UBE2G1: variants seen among roughly 807,000 people sequenced by gnomAD.
UBE2G1 encodes the protein ubiquitin-conjugating enzyme E2 G1.
A neutral mutation model predicts 22.7 loss-of-function variants in UBE2G1; 5 were observed. The ratio of observed to expected loss-of-function variants is 0.22; its 90% CI spans 0.12 to 0.46. The LOEUF (loss-of-function observed/expected upper bound fraction) is 0.46. UBE2G1 is among the 20% of genes least tolerant of loss of function. The pLI is 0.99. For synonymous variants in UBE2G1, 74 were observed against 67.5 expected (o/e 1.10, Z -0.47); for missense variants, 88 against 203.9 (o/e 0.43, Z 3.46).
In UBE2G1 at chr17:4,364,134, C is replaced by A. The variant is rs1472174168; in HGVS notation, c.46+2137G>T. On this transcript the variant is annotated intron_variant, in intron 1 of 5. Coordinates refer to ENST00000396981, the MANE Select transcript of UBE2G1 (RefSeq NM_003342.5). ...AAAAAATTAGCCAAGCTTGGTGCCG[C>A]GCGCCTGTAATCCCAGCTACTCGGG... 4 of 141,286 alleles carry A rather than the reference C, an allele frequency of 2.8e-5. No homozygotes were observed. The Admixed American group carries it at 2.9e-4, about 10-fold the overall frequency. 8.8% of individuals were successfully genotyped at this position (141,286 alleles called of 1,614,324 possible).
chr17:4,337,405 C>T (rs537145378), intron 1 of UBE2G1, among the ~76,000 whole-genome samples: 2 of 151,264 alleles, frequency 1.3e-5, no homozygotes, highest in East Asian at 3.9e-4. Context: ...GTAATCCCAG[C>T]ACTTTGGGAG....
rs1969006712 is a variant in UBE2G1, at chr17:4,289,235, C to A, written c.421G>T (p.Ala141Ser). ...AAGACGTGTGACCACCTTACCGCAG[C>A]ATCAACATTAGCAGGTGAGTCTCCA... ...PNGDSPANVDAAKEWREDRNG... is the reference protein window; with the variant it reads ...PNGDSPANVDSAKEWREDRNG... The change falls in exon 4 of 6, where the codon GCT becomes TCT. Residue 141 changes from alanine to serine, a missense_variant. This residue lies in a region of UBE2G1 where 38 missense variants were observed against 132.9 expected (regional missense o/e 0.29). Coordinates refer to ENST00000396981, the MANE Select transcript of UBE2G1 (RefSeq NM_003342.5). 3 of 1,550,582 alleles carry A rather than the reference C, an allele frequency of 1.9e-6. No homozygotes were observed. Among genetic ancestry groups the A allele is most frequent in the Non-Finnish European group, 2.6e-6 (3 of 1,147,984 alleles).
At chr17:4,281,836 G>GA (rs1968895992) in intron 5 of UBE2G1, among the ~76,000 whole-genome samples, 1 of 152,106 alleles carries the variant, frequency 6.6e-6, no homozygotes, top group African/African-American at 2.4e-5. Context: ...TCCCTGAAAG[G>GA]ATAGTCTTCA....
chr17:4,300,958 G>T (rs1969171246), intron 2 of UBE2G1, among the ~76,000 whole-genome samples: 2 of 151,570 alleles, frequency 1.3e-5, no homozygotes, highest in African/African-American at 4.9e-5. Context: ...GAGAGAGAGA[G>T]ATATGTAACC....
chr17:4,303,651 T>C (rs1969215580), intron 2 of UBE2G1, among the ~76,000 whole-genome samples: 1 of 152,210 alleles, frequency 6.6e-6, no homozygotes, highest in South Asian at 2.1e-4. Flanking sequence ...ACTAGGTTCA[T>C]TCCCTCCAGA....
At chr17:4,341,432 A>T (rs1262214116) in intron 1 of UBE2G1, among the ~76,000 whole-genome samples, 6 of 152,104 alleles carry the variant, frequency 3.9e-5, no homozygotes, top group Admixed American at 3.9e-4. Context: ...ACTGGCCAGT[A>T]ATTAGATCTG....
chr17:4,315,771 C>CAAACAAAA (rs1362275932), intron 1 of UBE2G1, among the ~76,000 whole-genome samples: 1 of 137,836 alleles, frequency 7.3e-6, no homozygotes, highest in Admixed American at 8.0e-5. Context: ...CAAAAACAAA[C>CAAACAAAA]AAACAAAAAA....
chr17:4,361,269 G>C (rs543647911), intron 1 of UBE2G1, among the ~76,000 whole-genome samples: 17 of 149,048 alleles, frequency 1.1e-4, no homozygotes, highest in African/African-American at 4.2e-4. Context: ...GCTCACGCCA[G>C]TAATCCCAGC....
chr17:4,299,765 C>CCCT (rs1004008269), intron 2 of UBE2G1, among the ~76,000 whole-genome samples: 1 of 151,890 alleles, frequency 6.6e-6, no homozygotes, highest in African/African-American at 2.4e-5. Flanking sequence ...ATCTGTGGAC[C>CCCT]CCTCTTCTTC....
At chr17:4,285,075 C>T (rs1477204295) in intron 4 of UBE2G1, among the ~76,000 whole-genome samples, 1 of 152,048 alleles carries the variant, frequency 6.6e-6, no homozygotes, top group Non-Finnish European at 1.5e-5. Flanking sequence ...AACTCCTAGC[C>T]TTAAGTAACT....
intron 4 of UBE2G1, among the ~76,000 whole-genome samples, chr17:4,285,509 A>G (rs1968951756): frequency 6.6e-6 from 1 of 152,214 alleles, no homozygotes; most frequent in Non-Finnish European, 1.5e-5. Flanking sequence ...CACATACCCT[A>G]AAACATTACT....
At chr17:4,341,012 T>G (rs2143797411) in intron 1 of UBE2G1, among the ~76,000 whole-genome samples, 2 of 149,710 alleles carry the variant, frequency 1.3e-5, no homozygotes, top group Middle Eastern at 6.9e-3. Context: ...TAAGTTGATA[T>G]TCTGTGTGAG....
rs775013538 is a variant in UBE2G1 at position 4,296,814 on chromosome 17, A to G, written c.150T>C (p.Tyr50=). 6.2e-7 allele frequency: 1 copy of G among 1,612,888 alleles called. No homozygotes were observed. Among genetic ancestry groups the G allele is most frequent in the Admixed American group, 1.7e-5 (1 of 59,904 alleles). ...VLIIGPPDTL[Y]EGGVFKAHLT... ...GATGAGCCTTAAAAACACCACCTTCACTGGAAAAAAGAACAAAAAGAAGTT... is the reference window on the plus strand; with the variant it reads ...GATGAGCCTTAAAAACACCACCTTCGCTGGAAAAAAGAACAAAAAGAAGTT... The change falls in exon 3 of 6, where the codon TAT becomes TAC. Residue 50 remains tyrosine, a splice_region_variant and synonymous_variant. Coordinates refer to ENST00000396981, the MANE Select transcript of UBE2G1 (RefSeq NM_003342.5).
chr17:4,365,042 A>G (rs1392169937), intron 1 of UBE2G1, among the ~76,000 whole-genome samples: 1 of 152,238 alleles, frequency 6.6e-6, no homozygotes, highest in Admixed American at 6.5e-5. Context: ...ACAATCTGTA[A>G]GAACCCCTGA....
At chr17:4,356,710 TAAC>T (rs1969910160) in intron 1 of UBE2G1, among the ~76,000 whole-genome samples, 1 of 152,100 alleles carries the variant, frequency 6.6e-6, no homozygotes, top group South Asian at 2.1e-4. Flanking sequence ...TCAAAAATAA[TAAC>T]AAAAAAATAA....
At chr17:4,361,102 A>G (rs1471414255) in intron 1 of UBE2G1, among the ~76,000 whole-genome samples, 1 of 151,950 alleles carries the variant, frequency 6.6e-6, no homozygotes, top group Non-Finnish European at 1.5e-5. Flanking sequence ...GGACACCTGT[A>G]ATCTCAGCTA....
rs1318899048 is a variant in UBE2G1 at position 4,271,438 on chromosome 17, A to G, written c.*1116T>C. Reference sequence around the variant, plus strand: ...AAGCCAACAACTTGACAATTATTGAAAAAAAATTATATTTTGGAAGAACTC... The same window carrying G: ...AAGCCAACAACTTGACAATTATTGAGAAAAAATTATATTTTGGAAGAACTC... On this transcript the variant is annotated 3_prime_UTR_variant, in exon 6 of 6. Coordinates refer to ENST00000396981, the MANE Select transcript of UBE2G1 (RefSeq NM_003342.5). The G allele has an allele frequency of 6.6e-6, 1 of 152,644 alleles. No homozygotes were observed. The highest frequency in any genetic ancestry group is 1.5e-5 in the Non-Finnish European group (1 of 68,044). 9.5% of individuals were successfully genotyped at this position (152,644 alleles called of 1,614,324 possible). A position where few individuals can be genotyped will look rare whatever the true frequency, so the allele number is the denominator to read the frequency against.
At chr17:4,306,891 C>T (rs1320693086) in intron 2 of UBE2G1, 130 bp downstream of exon 2, 8 of 650,934 alleles carry the variant, frequency 1.2e-5, no homozygotes, top group Admixed American at 2.9e-5. Context: ...ACCTCATGAT[C>T]GGCCCGCCTT....
intron 4 of UBE2G1, among the ~76,000 whole-genome samples, chr17:4,284,717 C>G (rs558514987): frequency 6.6e-6 from 1 of 151,788 alleles, no homozygotes; most frequent in African/African-American, 2.4e-5. Context: ...TTACCCTTAC[C>G]TTCAGTTTAG....
Sources: gnomAD v4.1 joint callset for allele counts (sites outside exome capture counted in the v4.1 genomes callset) on GRCh38, gnomAD v4.1.1 for gene constraint, gnomAD v4.1.1 regional missense constraint, MANE v1.5 for transcripts, NCBI Gene and HGNC (gene_info 2026-07-23, HGNC 2026-07-21) for gene names.